SLC7A5: variants seen among roughly 807,000 people sequenced by gnomAD.
The protein encoded by SLC7A5 is solute carrier family 7 member 5.
SLC7A5 carries 23 observed loss-of-function variants against 50.2 expected under a neutral mutation model. The ratio of observed to expected loss-of-function variants is 0.46; its 90% confidence interval spans 0.33 to 0.65. The LOEUF is 0.65. Among genes scored for constraint, SLC7A5 ranks in the 30% least tolerant of loss-of-function variants. The pLI, the probability that SLC7A5 is intolerant of heterozygous loss-of-function variation, is 0.02. For synonymous variants in SLC7A5, 393 were observed against 330.6 expected, an observed-to-expected ratio of 1.19 and a Z score of -2.05; for missense variants, 578 against 684.4, an observed-to-expected ratio of 0.84 and a Z score of 1.73.
At chr16:87,846,955 G>C (rs977667689) in intron 2 of SLC7A5, among the ~76,000 whole-genome samples, 8 of 152,196 alleles carry the variant, frequency 5.3e-5, no homozygotes, top group African/African-American at 1.7e-4. Context: ...AGACACCCTG[G>C]CCGGGGGGCG....
intron 1 of SLC7A5, among the ~76,000 whole-genome samples, chr16:87,867,881 C>T (rs1296862326): frequency 6.6e-6 from 1 of 152,022 alleles, no homozygotes; most frequent in Non-Finnish European, 1.5e-5. Context: ...TTTGGGAGGC[C>T]GAGGCGGGCG....
At chr16:87,851,607 T>C (rs2055223793) in intron 2 of SLC7A5, 117 bp downstream of exon 2, 3 of 1,283,648 alleles carry the variant, frequency 2.3e-6, no homozygotes, top group Admixed American at 4.2e-5. Context: ...CTCCACGTTG[T>C]ACAGCACTGC....
intron 2 of SLC7A5, among the ~76,000 whole-genome samples, chr16:87,846,960 G>T (rs1419646889): frequency 6.6e-6 from 1 of 152,160 alleles, no homozygotes; most frequent in East Asian, 1.9e-4. Flanking sequence ...CCCTGGCCGG[G>T]GGGCGGCAAA....
At chr16:87,855,453 A>C (rs2055304091) in intron 1 of SLC7A5, among the ~76,000 whole-genome samples, 2 of 151,966 alleles carry the variant, frequency 1.3e-5, no homozygotes, top group African/African-American at 4.8e-5. Flanking sequence ...TCAATCACAC[A>C]CGTGCACACA....
chr16:87,869,237 G>A lies in SLC7A5; in HGVS notation c.186C>T (p.Thr62=), dbSNP rs769927803. The A allele has an allele frequency of 4.3e-6, 7 of 1,612,696 alleles. No individual in the cohort carries two copies. The highest frequency in any genetic ancestry group is 5.9e-6 in the Non-Finnish European group (7 of 1,179,878). Residue 62 remains threonine, a synonymous_variant, in exon 1 of 10, where the codon ACC becomes ACT. Transcript: ENST00000261622. ...LLNGVAIIVG[T]IIGSGIFVTP... ...TCACGAAGATGCCCGAGCCGATAAT[G>A]GTCCCCACGATGATGGCCACGCCGT...
rs1443448370 is a variant in SLC7A5, at chr16:87,833,892, C to T, written c.1468+522G>A. Among the ~76,000 whole-genome samples the T allele has an allele frequency of 4.6e-5, 7 of 150,590 alleles. No individual in the cohort carries two copies. Among genetic ancestry groups the T allele is most frequent in the South Asian group, 4.2e-4 (2 of 4,766 alleles). On this transcript the variant is annotated intron_variant, in intron 9 of 9. Coordinates refer to ENST00000261622, the MANE Select transcript of SLC7A5 (RefSeq NM_003486.7). The surrounding 1 kb of genome is among the most constrained non-coding windows in gnomAD (Gnocchi z 6.0). The stretch of plus-strand genomic sequence containing the variant: ...TTTTTTGAGAAGAGTCTCGCTCTGT[C>T]GCCCAGGCTGGAGTGCAATGGTGCG...
intron 8 of SLC7A5, 25 bp downstream of exon 8, chr16:87,836,473 G>T (rs368036439): frequency 7.5e-6 from 12 of 1,605,762 alleles, no homozygotes; most frequent in Non-Finnish European, 1.0e-5. Context: ...AGGGTGCCTG[G>T]GTGAGCGGGA....
rs895535641 is a variant in SLC7A5, at chr16:87,841,684, G to A, written c.665-529C>T. ...CAAGAACATAGGTTTGTCCTGGACC[G>A]TGCTGAGTGTGTGGCCAGCTGCAGC... On this transcript the variant is annotated intron_variant, in intron 2 of 9. Transcript: ENST00000261622. This position sits in a 1 kb window ranked among gnomAD's most constrained non-coding sequence, Gnocchi z 4.8. 1.2e-4 allele frequency among the ~76,000 whole-genome samples: 19 copies of A among 152,202 alleles called. No homozygotes were observed. Among genetic ancestry groups the A allele is most frequent in the African/African-American group, 2.9e-4 (12 of 41,444 alleles).
At chr16:87,865,353 AG>A (rs1567503442) in intron 1 of SLC7A5, among the ~76,000 whole-genome samples, 1 of 152,172 alleles carries the variant, frequency 6.6e-6, no homozygotes, top group South Asian at 2.1e-4. Context: ...TGGGTCAGAG[AG>A]GGTTGGCACT....
At chr16:87,838,094 G>A (rs1297997039) in intron 6 of SLC7A5, among the ~76,000 whole-genome samples, 153 bp from the exon 7 acceptor site, 2 of 152,204 alleles carry the variant, frequency 1.3e-5, no homozygotes, top group Admixed American at 6.5e-5. Context: ...GCCGCTGGCT[G>A]TGGGCCTCTC....
intron 8 of SLC7A5, among the ~76,000 whole-genome samples, chr16:87,835,673 A>G (rs921874668): frequency 1.3e-5 from 2 of 151,966 alleles, no homozygotes; most frequent in Non-Finnish European, 2.9e-5. Flanking sequence ...ACGGGGTTTC[A>G]CCGTGTTAGC....
At position 87,841,864 on chromosome 16, in the gene SLC7A5, G is replaced by T. The variant is rs556383111; in HGVS notation, c.665-709C>A. ...ACCTCATTTCAAAACTTGAACTTCA[G>T]TCACATCTGCGAAGACCCTTTTTCC... On this transcript the variant is annotated intron_variant, in intron 2 of 9. Transcript: ENST00000261622. The surrounding 1 kb of genome is among the most constrained non-coding windows in gnomAD (Gnocchi z 4.8). Among the ~76,000 whole-genome samples, 3 of 152,348 alleles carry T rather than the reference G, an allele frequency of 2.0e-5. No individual in the cohort carries two copies. The East Asian group carries it at 5.8e-4, about 29-fold the overall frequency.
At chr16:87,847,454 G>A (rs1466588928) in intron 2 of SLC7A5, among the ~76,000 whole-genome samples, 3 of 152,188 alleles carry the variant, frequency 2.0e-5, no homozygotes, top group Non-Finnish European at 2.9e-5. Flanking sequence ...GAGGGACATC[G>A]GGAGGGGCTC....
Position 87,851,824 on chromosome 16 carries a change from G to A in SLC7A5, c.564C>T (p.Tyr188=). Reference sequence around the variant, plus strand: ...GGACCCGGGTGGCGGCCTTCACGCTGTAGCAGTTCACGGCCGTGAGCAGCA... The same window carrying A: ...GGACCCGGGTGGCGGCCTTCACGCTATAGCAGTTCACGGCCGTGAGCAGCA... ...CVLLLTAVNC[Y]SVKAATRVQD... The change falls in exon 2 of 10, where the codon TAC becomes TAT. Residue 188 remains tyrosine, a synonymous_variant. Transcript: ENST00000261622. 1 of 1,613,130 alleles carries A rather than the reference G, an allele frequency of 6.2e-7. No homozygotes were observed. The highest frequency in any genetic ancestry group is 1.1e-5 in the South Asian group (1 of 91,082).
intron 6 of SLC7A5, among the ~76,000 whole-genome samples, chr16:87,838,257 C>G (rs1358621632): frequency 2.0e-5 from 3 of 150,746 alleles, no homozygotes. Flanking sequence ...GTTCATGCTT[C>G]CTTTATTTCT....
intron 1 of SLC7A5, among the ~76,000 whole-genome samples, chr16:87,856,234 G>GCGCA (rs2055318484): frequency 6.6e-6 from 1 of 152,162 alleles, no homozygotes; most frequent in South Asian, 2.1e-4. Flanking sequence ...GCTGTGTTCC[G>GCGCA]CGCACGGTTT....
At chr16:87,838,053 C>G in intron 6 of SLC7A5, 112 bp from the exon 7 acceptor site, 1 of 856,532 alleles carries the variant, frequency 1.2e-6, no homozygotes, top group Non-Finnish European at 1.9e-6. Flanking sequence ...GTCTGGGCCT[C>G]TCTGGCCACA....
rs1206039908 is a variant in SLC7A5 at position 87,861,013 on chromosome 16, TGG to T, written c.538+7870_538+7871del. On this transcript the variant is annotated intron_variant, in intron 1 of 9. Coordinates refer to ENST00000261622, the MANE Select transcript of SLC7A5 (RefSeq NM_003486.7). This position sits in a 1 kb window ranked among gnomAD's most constrained non-coding sequence, Gnocchi z 4.2. ...GCCAGTATCAGGGAAGGAGACGCTG[TGG>T]GGGGCCCTCCTGTTGGAAAAGGGCA... is the stretch of plus-strand genomic sequence containing the variant. 6.6e-6 allele frequency among the ~76,000 whole-genome samples: 1 copy of T among 152,098 alleles called. No individual in the cohort carries two copies. Among genetic ancestry groups the T allele is most frequent in the Admixed American group, 6.5e-5 (1 of 15,270 alleles).
rs962554775 is a variant in SLC7A5, at chr16:87,853,725, C to T, written c.539-1876G>A. 6.6e-6 allele frequency among the ~76,000 whole-genome samples: 1 copy of T among 151,678 alleles called. No homozygotes were observed. Among genetic ancestry groups the T allele is most frequent in the Non-Finnish European group, 1.5e-5 (1 of 68,004 alleles). On this transcript the variant is annotated intron_variant, in intron 1 of 9. Transcript: ENST00000261622. This position sits in a 1 kb window ranked among gnomAD's most constrained non-coding sequence, Gnocchi z 4.4. ...CGGCTTCTGGAGAGCTTTCTGGATTCGCAAGAGGCCGGCTGATTGCATCAC... is the reference window on the plus strand; with the variant it reads ...CGGCTTCTGGAGAGCTTTCTGGATTTGCAAGAGGCCGGCTGATTGCATCAC...
Sources: gnomAD v4.1 joint callset for allele counts (sites outside exome capture counted in the v4.1 genomes callset) on GRCh38, gnomAD v4.1.1 for gene constraint, Gnocchi (gnomAD v3.1) non-coding constraint, MANE v1.5 for transcripts, NCBI Gene and HGNC (gene_info 2026-07-23, HGNC 2026-07-21) for gene names.